HECW1: variants seen among roughly 807,000 people sequenced by gnomAD.
HECW1 encodes E3 ubiquitin-protein ligase HECW1.
HECW1 carries 61 observed loss-of-function variants against 182.3 expected under a neutral mutation model. The ratio of observed to expected loss-of-function variants is 0.33; its 90% CI spans 0.27 to 0.41. The LOEUF is 0.41. Ranked by LOEUF, HECW1 falls within the 10% of genes least tolerant of loss-of-function variation. HECW1 has a pLI of 1.00. For synonymous variants in HECW1, 859 were observed against 832.6 expected (o/e 1.03, Z -0.55); for missense variants, 1,739 against 2,108.9 (o/e 0.82, Z 3.44).
At chr7:43,123,202 C>T (rs554729837) in intron 2 of HECW1, among the ~76,000 whole-genome samples, 166 of 152,356 alleles carry the variant, frequency 1.1e-3, no homozygotes, top group African/African-American at 3.9e-3. Context: ...GAATCCACAG[C>T]ACATTTCTTG....
intron 2 of HECW1, among the ~76,000 whole-genome samples, chr7:43,129,492 A>G (rs1489129994): frequency 6.6e-6 from 1 of 152,150 alleles, no homozygotes; most frequent in Non-Finnish European, 1.5e-5. Context: ...TAGTGTAAAC[A>G]TAACTTTTAT....
At chr7:43,480,941 A>G (rs1228930268) in intron 17 of HECW1, among the ~76,000 whole-genome samples, 7 of 152,174 alleles carry the variant, frequency 4.6e-5, no homozygotes, top group African/African-American at 1.7e-4. Context: ...ACTCTGAGAA[A>G]CATAACTATT....
chr7:43,201,427 G>A (rs1467453518), intron 2 of HECW1, among the ~76,000 whole-genome samples: 1 of 152,218 alleles, frequency 6.6e-6, no homozygotes, highest in Non-Finnish European at 1.5e-5. Flanking sequence ...ACAAAAAGGA[G>A]GAAGGATGCC....
chr7:43,445,438 C>T lies in HECW1; in HGVS notation c.2266C>T (p.Pro756Ser). ...FESVPDSMQSPELDPESTNGA... is the reference protein window; with the variant it reads ...FESVPDSMQSSELDPESTNGA... The stretch of plus-strand genomic sequence containing the variant: ...GTCGGTACCCGACTCCATGCAGAGC[C>T]CTGAGCTGGACCCGGAGTCCACGAA... The change falls in exon 11 of 30, where the codon CCT becomes TCT. Residue 756 changes from proline to serine, a missense_variant. This residue lies in a region of HECW1 where 971 missense variants were observed against 1,029.1 expected (regional missense o/e 0.94). Coordinates refer to ENST00000395891, the MANE Select transcript of HECW1 (RefSeq NM_015052.5). The T allele has an allele frequency of 1.9e-6, 3 of 1,613,280 alleles. No individual in the cohort carries two copies. Among genetic ancestry groups the T allele is most frequent in the Non-Finnish European group, 2.5e-6 (3 of 1,179,940 alleles).
At chr7:43,295,064 T>G (rs993267052) in intron 3 of HECW1, among the ~76,000 whole-genome samples, 1 of 152,136 alleles carries the variant, frequency 6.6e-6, no homozygotes, top group Non-Finnish European at 1.5e-5. Flanking sequence ...AGTTTCTGAT[T>G]AGCTTTTCAC....
intron 3 of HECW1, among the ~76,000 whole-genome samples, chr7:43,247,865 G>GAA (rs1362453749): frequency 1.8e-5 from 2 of 110,174 alleles, no homozygotes; most frequent in African/African-American, 1.2e-4. Context: ...AGGAAAGAAA[G>GAA]AAGAAAGCAA....
chr7:43,144,437 C>T (rs759364297), intron 2 of HECW1, among the ~76,000 whole-genome samples: 9 of 152,136 alleles, frequency 5.9e-5, no homozygotes, highest in Non-Finnish European at 1.0e-4. Context: ...GTCTGTTCTT[C>T]CTCCTTGAAA....
rs145829884 is a variant in HECW1 at position 43,384,619 on chromosome 7, C to T, written c.556-12195C>T. Among the ~76,000 whole-genome samples, 99 of 152,216 alleles carry T rather than the reference C, an allele frequency of 6.5e-4. No homozygotes were observed. In the East Asian group the frequency reaches 0.017, roughly 27 times the overall value. On this transcript the variant is annotated intron_variant, in intron 6 of 29. Coordinates refer to ENST00000395891, the MANE Select transcript of HECW1 (RefSeq NM_015052.5). ...TAAAGCAAGTCAGTGAGGGGGAAAA[C>T]GTTTGCCTTTAAAAAAAATCATTTT...
At chr7:43,167,485 C>T (rs936664208) in intron 2 of HECW1, among the ~76,000 whole-genome samples, 4 of 152,156 alleles carry the variant, frequency 2.6e-5, no homozygotes, top group Admixed American at 2.6e-4. Context: ...TATTCAACAA[C>T]TCCAGATGGA....
At chr7:43,533,939 T>C (rs2081081102) in intron 24 of HECW1, among the ~76,000 whole-genome samples, 1 of 152,052 alleles carries the variant, frequency 6.6e-6, no homozygotes, top group South Asian at 2.1e-4. Flanking sequence ...GCCTGATCTG[T>C]TGGGGCAACA....
intron 29 of HECW1, among the ~76,000 whole-genome samples, chr7:43,555,991 T>C (rs1024713716): frequency 2.2e-4 from 34 of 152,230 alleles, no homozygotes; most frequent in African/African-American, 8.2e-4. Flanking sequence ...TCACTGATGA[T>C]AGCATGCAGC....
intron 8 of HECW1, among the ~76,000 whole-genome samples, chr7:43,430,824 C>G (rs1248992618): frequency 1.5e-5 from 1 of 67,788 alleles, no homozygotes; most frequent in Admixed American, 1.4e-4. Flanking sequence ...CTCTGTCCCC[C>G]AGGCTGGAGT....
chr7:43,275,862 C>T (rs951000393), intron 3 of HECW1, among the ~76,000 whole-genome samples: 2 of 152,080 alleles, frequency 1.3e-5, no homozygotes, highest in South Asian at 2.1e-4. Flanking sequence ...AATTGATCCA[C>T]AGGCCACCTC....
chr7:43,546,777 G>A (rs748995387), intron 26 of HECW1, among the ~76,000 whole-genome samples: 11 of 152,034 alleles, frequency 7.2e-5, no homozygotes, highest in Admixed American at 1.3e-4. Flanking sequence ...TTCAAGGCTC[G>A]GGGGTTAAAG....
intron 7 of HECW1, among the ~76,000 whole-genome samples, chr7:43,398,920 G>A (rs1051381901): frequency 9.9e-5 from 15 of 152,226 alleles, no homozygotes; most frequent in African/African-American, 3.1e-4. Context: ...CAGTTCCTGG[G>A]TGGGGGTCAC....
chr7:43,211,410 A>G (rs1292005205), intron 2 of HECW1, among the ~76,000 whole-genome samples: 5 of 152,200 alleles, frequency 3.3e-5, no homozygotes, highest in African/African-American at 4.8e-5. Flanking sequence ...CCAAGTGTGA[A>G]TGCTCCATGC....
intron 2 of HECW1, among the ~76,000 whole-genome samples, chr7:43,173,463 T>G (rs2152669212): frequency 6.6e-6 from 1 of 152,236 alleles, no homozygotes; most frequent in East Asian, 1.9e-4. Flanking sequence ...GTCCCCAATA[T>G]TTTGGGCACC....
chr7:43,523,091 C>T (rs1453109530), intron 24 of HECW1: 3 of 422,826 alleles, frequency 7.1e-6, no homozygotes, highest in South Asian at 1.7e-5. Context: ...GCAACCTCCT[C>T]CTCCCAGGTT....
chr7:43,135,865 T>A (rs1787469951), intron 2 of HECW1, among the ~76,000 whole-genome samples: 1 of 152,186 alleles, frequency 6.6e-6, no homozygotes, highest in Non-Finnish European at 1.5e-5. Flanking sequence ...TGAATTTAAG[T>A]TTTTTCTAAA....
Sources: gnomAD v4.1 joint callset for allele counts (sites outside exome capture counted in the v4.1 genomes callset) on GRCh38, gnomAD v4.1.1 for gene constraint, gnomAD v4.1.1 regional missense constraint, MANE v1.5 for transcripts, NCBI Gene and HGNC (gene_info 2026-07-23, HGNC 2026-07-21) for gene names.